SSBP3: variants seen among roughly 807,000 people sequenced by gnomAD.
The protein encoded by SSBP3 is single stranded DNA binding protein 3.
In SSBP3, 5 loss-of-function variants were observed where a neutral mutation model predicts 69.6. The observed-to-expected ratio is 0.07, with a 90% CI of 0.04 to 0.15. SSBP3 has a LOEUF of 0.15. SSBP3 is among the 10% of genes least tolerant of loss of function. SSBP3 has a pLI of 1.00. For missense variants in SSBP3, 312 were observed against 534.0 expected, an observed-to-expected ratio of 0.58 and a Z score of 4.10; for synonymous variants, 196 against 193.4, an observed-to-expected ratio of 1.01 and a Z score of -0.11.
In SSBP3 at chr1:54,363,474, C is replaced by A. The variant is rs112698085; in HGVS notation, c.276+38387G>T. Among the ~76,000 whole-genome samples the A allele has an allele frequency of 1.1e-3, 175 of 152,286 alleles. 1 individual carries two copies. The highest frequency in any genetic ancestry group is 4.0e-3 in the African/African-American group (168 of 41,556). On this transcript the variant is annotated intron_variant, in intron 4 of 17. Coordinates refer to ENST00000610401, the Ensembl canonical transcript of SSBP3. ...CCAAATCAGCAATCTGATGCCACAT[C>A]GGACAGTTATAAATTAGACAAGTCA...
intron 7 of SSBP3, among the ~76,000 whole-genome samples, chr1:54,255,347 G>C (rs1644902787): frequency 6.6e-6 from 1 of 152,194 alleles, no homozygotes; most frequent in South Asian, 2.1e-4. Context: ...TAAGGAAGTA[G>C]CTCCTTTCTT....
chr1:54,241,069 C>T (rs764172437), intron 12 of SSBP3, 110 bp from the exon 13 acceptor site: 37 of 1,176,720 alleles, frequency 3.1e-5, no homozygotes, highest in East Asian at 4.9e-5. Flanking sequence ...CAGGCCCAGC[C>T]GCTATTCATC....
chr1:54,254,036 A>T (rs904612092), intron 7 of SSBP3, among the ~76,000 whole-genome samples: 8 of 152,182 alleles, frequency 5.3e-5, no homozygotes, highest in Non-Finnish European at 7.4e-5. Flanking sequence ...CTATCAGGGG[A>T]AGAAGGTGTG....
At chr1:54,307,154 A>AGCCCAGG (rs1226929270) in intron 4 of SSBP3, among the ~76,000 whole-genome samples, 2 of 152,202 alleles carry the variant, frequency 1.3e-5, no homozygotes, top group South Asian at 2.1e-4. Context: ...CCGGCCCTAG[A>AGCCCAGG]GCCCAGGGCC....
At chr1:54,320,656 G>A (rs762574242) in intron 4 of SSBP3, among the ~76,000 whole-genome samples, 1 of 152,206 alleles carries the variant, frequency 6.6e-6, no homozygotes, top group Non-Finnish European at 1.5e-5. Flanking sequence ...AGTCCTGAGA[G>A]GTGGGAAGGA....
chr1:54,381,511 G>C (rs1441318903), intron 4 of SSBP3, among the ~76,000 whole-genome samples: 2 of 151,648 alleles, frequency 1.3e-5, no homozygotes, highest in Non-Finnish European at 2.9e-5. Context: ...TAGAATAACA[G>C]CCTTATAAGG....
intron 4 of SSBP3, among the ~76,000 whole-genome samples, chr1:54,372,883 T>C (rs555328152): frequency 1.3e-4 from 20 of 152,358 alleles, no homozygotes; most frequent in Non-Finnish European, 2.9e-4. Flanking sequence ...GGGCAAAGCC[T>C]CCCTGACTCC....
chr1:54,295,703 T>C (rs951646586), intron 4 of SSBP3, among the ~76,000 whole-genome samples: 1 of 152,216 alleles, frequency 6.6e-6, no homozygotes, highest in African/African-American at 2.4e-5. Context: ...CTTTCTTCTC[T>C]GCCTCCCATT....
chr1:54,272,893 G>C (rs548774900), intron 5 of SSBP3, among the ~76,000 whole-genome samples: 6 of 152,362 alleles, frequency 3.9e-5, no homozygotes, highest in South Asian at 2.1e-4. Flanking sequence ...TCGGGAGTCA[G>C]TTTACACCCC....
At position 54,238,226 on chromosome 1, in the gene SSBP3, C is replaced by T. The variant is rs184273146; in HGVS notation, c.927+903G>A. The T allele has an allele frequency of 4.7e-3, 2,237 of 471,068 alleles. 61 individuals carry two copies. Among genetic ancestry groups the T allele is most frequent in the South Asian group, 0.033 (2,153 of 64,564 alleles). The allele number at this position is 471,068 out of a possible 1,614,324, so 29.2% of individuals were successfully genotyped here. ...TCGGGGTTTAACACGTGGGGTGATC[C>T]GGGTGTCACCTCAGGAACGGAGCCA... On this transcript the variant is annotated intron_variant, in intron 14 of 17. Transcript: ENST00000610401.
At chr1:54,266,421 TG>T in intron 5 of SSBP3, among the ~76,000 whole-genome samples, 1 of 152,348 alleles carries the variant, frequency 6.6e-6, no homozygotes, top group Non-Finnish European at 1.5e-5. Flanking sequence ...AAAGTTTTGT[TG>T]GAACAGAGCC....
chr1:54,260,446 G>A (rs1292717842), intron 5 of SSBP3, among the ~76,000 whole-genome samples: 2 of 152,244 alleles, frequency 1.3e-5, no homozygotes, highest in Middle Eastern at 3.2e-3. Flanking sequence ...AGAGAAAACA[G>A]AAGTGAAGCA....
At chr1:54,266,890 G>A (rs189543776) in intron 5 of SSBP3, among the ~76,000 whole-genome samples, 18 of 152,250 alleles carry the variant, frequency 1.2e-4, no homozygotes, top group Admixed American at 5.2e-4. Context: ...GTGCATCATC[G>A]GAACACAAAA....
At chr1:54,325,656 A>G (rs914073933) in intron 4 of SSBP3, among the ~76,000 whole-genome samples, 3 of 152,190 alleles carry the variant, frequency 2.0e-5, no homozygotes, top group African/African-American at 7.2e-5. Flanking sequence ...ATTAATTTAT[A>G]ATCTGCCTTC....
At chr1:54,241,096 G>A (rs993388735) in intron 12 of SSBP3, 137 bp from the exon 13 acceptor site, 20 of 943,944 alleles carry the variant, frequency 2.1e-5, no homozygotes, top group Admixed American at 2.8e-5. Flanking sequence ...CACCCCCAGC[G>A]CTCACTCAAA....
chr1:54,361,670 G>A (rs937717568), intron 4 of SSBP3, among the ~76,000 whole-genome samples: 2 of 151,992 alleles, frequency 1.3e-5, no homozygotes, highest in African/African-American at 2.4e-5. Flanking sequence ...GCCCGGCAGC[G>A]AGCTGAACAA....
intron 4 of SSBP3, among the ~76,000 whole-genome samples, chr1:54,325,209 C>T (rs1414991817): frequency 6.6e-6 from 1 of 152,208 alleles, no homozygotes; most frequent in Non-Finnish European, 1.5e-5. Context: ...GCACTGAGCG[C>T]CCAGTGCCTT....
At chr1:54,370,277 AAAC>A (rs1229782976) in intron 4 of SSBP3, among the ~76,000 whole-genome samples, 11 of 152,328 alleles carry the variant, frequency 7.2e-5, no homozygotes, top group African/African-American at 2.4e-4. Context: ...AACGACCAGG[AAAC>A]AACATCACTG....
intron 4 of SSBP3, among the ~76,000 whole-genome samples, chr1:54,399,975 C>T (rs1649178618): frequency 2.0e-5 from 3 of 152,124 alleles, no homozygotes; most frequent in Non-Finnish European, 4.4e-5. Flanking sequence ...AAGGTTTTTA[C>T]ACCCCACACA....
Sources: allele counts gnomAD v4.1 joint callset (sites outside exome capture counted in the v4.1 genomes callset), GRCh38; gene constraint gnomAD v4.1.1; transcripts MANE v1.5; gene names NCBI Gene and HGNC (gene_info 2026-07-23, HGNC 2026-07-21).